The following SEZ6L variants were observed in gnomAD, a reference collection of about 807,000 sequenced individuals.
SEZ6L encodes the protein seizure 6-like protein.
A neutral mutation model predicts 106.2 loss-of-function variants in SEZ6L; 37 were observed. The ratio of observed to expected loss-of-function variants is 0.35; its 90% CI spans 0.27 to 0.46. The LOEUF (loss-of-function observed/expected upper bound fraction) is 0.46, where lower values mean the gene tolerates loss of function less well. Among genes scored for constraint, SEZ6L ranks in the 20% least tolerant of loss-of-function variants. The probability of loss-of-function intolerance (pLI) is 1.00; values close to 1 mark genes in which losing one functional copy is unlikely to be tolerated. For synonymous variants in SEZ6L, 541 were observed against 570.4 expected, an observed-to-expected ratio of 0.95 and a Z score of 0.73; for missense variants, 1,172 against 1,332.8, an observed-to-expected ratio of 0.88 and a Z score of 1.88.
chr22:26,328,228 C>T (rs2082379764), intron 9 of SEZ6L, among the ~76,000 whole-genome samples: 1 of 152,220 alleles, frequency 6.6e-6, no homozygotes, highest in Non-Finnish European at 1.5e-5. Flanking sequence ...CATAAGTGCC[C>T]TTTACTGAGG....
In SEZ6L at chr22:26,380,257, CT is replaced by C; in HGVS notation, c.3046-8del. ...GCGTTTGACAAATCCGTGCTTCTCT[CT>C]CTTGCAGGAAACCAGAGAGTATGAG... On this transcript the variant is annotated splice_region_variant and splice_polypyrimidine_tract_variant and intron_variant, in intron 16 of 16. Transcript: ENST00000248933. 6.2e-7 allele frequency: 1 copy of C among 1,613,586 alleles called. No individual in the cohort carries two copies. The highest frequency in any genetic ancestry group is 8.5e-7 in the Non-Finnish European group (1 of 1,179,584).
chr22:26,369,338 G>GTCCTTTTTTTTTTTTTTT (rs2083927308), intron 13 of SEZ6L, among the ~76,000 whole-genome samples: 4 of 83,618 alleles, frequency 4.8e-5, no homozygotes, highest in African/African-American at 2.9e-4. Flanking sequence ...TATATAAGCA[G>GTCCTTTTTTTTTTTTTTT]TTCTTTTGTT....
intron 9 of SEZ6L, among the ~76,000 whole-genome samples, chr22:26,336,018 C>T (rs536011992): frequency 3.9e-5 from 6 of 152,228 alleles, no homozygotes; most frequent in Admixed American, 2.6e-4. Context: ...TTTTCCTTCT[C>T]TTATATAAGC....
intron 1 of SEZ6L, among the ~76,000 whole-genome samples, chr22:26,264,832 G>A (rs964116484): frequency 1.8e-4 from 28 of 152,304 alleles, no homozygotes; most frequent in African/African-American, 6.7e-4. Context: ...ATCACAGGAA[G>A]GGGAAATGAT....
intron 15 of SEZ6L, among the ~76,000 whole-genome samples, chr22:26,377,042 G>A (rs1373029771): frequency 6.6e-6 from 1 of 152,250 alleles, no homozygotes. Context: ...CACTTTGGGA[G>A]GCCAAGGCTG....
At chr22:26,211,182 A>G (rs1289445756) in intron 1 of SEZ6L, among the ~76,000 whole-genome samples, 3 of 152,202 alleles carry the variant, frequency 2.0e-5, no homozygotes, top group Non-Finnish European at 2.9e-5. Context: ...CCGGGTCTGT[A>G]CTGTTGTGAT....
chr22:26,293,445 C>T (rs920267713), intron 2 of SEZ6L, among the ~76,000 whole-genome samples: 5 of 152,216 alleles, frequency 3.3e-5, no homozygotes, highest in African/African-American at 9.6e-5. Flanking sequence ...ATCCTCTTGC[C>T]TCAGCCTCTT....
rs747260965 is a variant in SEZ6L, at chr22:26,377,709, G to A, written c.2979G>A (p.Met993Ile). Residue 993 changes from methionine to isoleucine, a missense_variant, in exon 16 of 17, where the codon ATG (methionine) becomes ATA (isoleucine). Physicochemically the swap from Met to Ile is conservative, Grantham distance 10. This residue lies in a region of SEZ6L where 141 missense variants were observed against 176.0 expected (regional missense o/e 0.80). Transcript: ENST00000248933. ...RYYSNLRLPL[M>I]YSHPYSQITV... Reference sequence around the variant, plus strand: ...ATTCCAACCTCCGCCTGCCTCTGATGTACTCCCACCCCTACAGCCAGATCA... The same window carrying A: ...ATTCCAACCTCCGCCTGCCTCTGATATACTCCCACCCCTACAGCCAGATCA... 8.1e-6 allele frequency: 13 copies of A among 1,613,684 alleles called. No individual in the cohort carries two copies. The East Asian group carries it at 1.1e-4, about 14-fold the overall frequency.
chr22:26,329,049 A>T (rs916739574), intron 9 of SEZ6L, among the ~76,000 whole-genome samples: 1 of 152,166 alleles, frequency 6.6e-6, no homozygotes, highest in African/African-American at 2.4e-5. Flanking sequence ...TGCGGCCAGG[A>T]TTGAGAACCA....
chr22:26,338,003 G>T (rs1270477223), intron 9 of SEZ6L, among the ~76,000 whole-genome samples: 1 of 152,134 alleles, frequency 6.6e-6, no homozygotes, highest in Non-Finnish European at 1.5e-5. Flanking sequence ...ATGGGTAGTT[G>T]CCACCTCACC....
chr22:26,199,740 C>T (rs547660844), intron 1 of SEZ6L, among the ~76,000 whole-genome samples: 2 of 152,288 alleles, frequency 1.3e-5, no homozygotes, highest in African/African-American at 2.4e-5. Flanking sequence ...ATACTCTCAG[C>T]AAATGGGTAG....
At chr22:26,231,462 C>G (rs1438064163) in intron 1 of SEZ6L, among the ~76,000 whole-genome samples, 2 of 152,160 alleles carry the variant, frequency 1.3e-5, no homozygotes, top group Non-Finnish European at 2.9e-5. Context: ...CAGCTTGATT[C>G]TCAATATGCT....
chr22:26,318,369 G>A (rs1482246820), intron 9 of SEZ6L, among the ~76,000 whole-genome samples: 3 of 150,740 alleles, frequency 2.0e-5, no homozygotes, highest in Admixed American at 6.6e-5. Context: ...CCACTGCCCC[G>A]GGCCATAATT....
Position 26,292,495 on chromosome 22 carries a change from C to T in SEZ6L, c.184C>T (p.Pro62Ser). The change falls in exon 2 of 17, where the codon CCT (proline) becomes TCT (serine). Residue 62 changes from proline to serine, a missense_variant. Pro to Ser is a moderately conservative substitution (Grantham distance 74). Around this residue, in one of 4 missense-constraint regions of SEZ6L, gnomAD observed 494 missense variants for 445.8 expected, o/e 1.11. Coordinates refer to ENST00000248933, the MANE Select transcript of SEZ6L (RefSeq NM_021115.5). Reference sequence around the variant, plus strand: ...GAGAGGCAGTCCTGGCAAAGAGCACCCTGAAGAGAGAGTGGTAACAGCGCC... The same window carrying T: ...GAGAGGCAGTCCTGGCAAAGAGCACTCTGAAGAGAGAGTGGTAACAGCGCC... ...PERGSPGKEH[P>S]EERVVTAPPS... 1 of 1,613,938 alleles carries T rather than the reference C, an allele frequency of 6.2e-7. No individual in the cohort carries two copies. Among genetic ancestry groups the T allele is most frequent in the African/African-American group, 1.3e-5 (1 of 75,014 alleles).
At chr22:26,290,393 A>C (rs1351116286) in intron 1 of SEZ6L, among the ~76,000 whole-genome samples, 1 of 152,166 alleles carries the variant, frequency 6.6e-6, no homozygotes, top group African/African-American at 2.4e-5. Context: ...TTAGCTGGGC[A>C]TGGTGGCACG....
At chr22:26,332,147 GTTTT>G (rs752520660) in intron 9 of SEZ6L, among the ~76,000 whole-genome samples, 2,080 of 114,114 alleles carry the variant, frequency 0.018, 18 homozygotes, top group Non-Finnish European at 0.026. Flanking sequence ...GATTTTCAAT[GTTTT>G]TTTTTTTTTT....
chr22:26,170,637 G>T (rs566081379), intron 1 of SEZ6L, among the ~76,000 whole-genome samples: 1 of 152,252 alleles, frequency 6.6e-6, no homozygotes, highest in Admixed American at 6.5e-5. Flanking sequence ...GGGTGGGGGA[G>T]AGGGCCAGAT....
At chr22:26,348,563 G>A (rs188963740) in intron 11 of SEZ6L, among the ~76,000 whole-genome samples, 483 of 25,486 alleles carry the variant, frequency 0.019, 15 homozygotes, top group East Asian at 0.061. Context: ...GGAAGGAAGG[G>A]AGGAAAGAAA....
chr22:26,355,689 C>T (rs1296031128), intron 12 of SEZ6L, among the ~76,000 whole-genome samples: 1 of 152,188 alleles, frequency 6.6e-6, no homozygotes, highest in East Asian at 1.9e-4. Context: ...GAGATCACGC[C>T]ACTGCACTCC....
Sources: allele counts gnomAD v4.1 joint callset (sites outside exome capture counted in the v4.1 genomes callset), GRCh38; gene constraint gnomAD v4.1.1; regional missense constraint gnomAD v4.1.1; transcripts MANE v1.5; gene names NCBI Gene and HGNC (gene_info 2026-07-23, HGNC 2026-07-21).